Variants in PEG3 observed in about 807,000 individuals in gnomAD.
The protein encoded by PEG3 is paternally expressed 3, also known as paternally-expressed gene 3 protein.
A neutral mutation model predicts 35.5 loss-of-function variants in PEG3; 23 were observed. The observed-to-expected ratio is 0.65, with a 90% confidence interval of 0.47 to 0.92. PEG3 has a LOEUF of 0.92. PEG3 is among the 40% of genes least tolerant of loss of function. The probability of loss-of-function intolerance (pLI) is 0.00; values close to 1 mark genes in which losing one functional copy is unlikely to be tolerated. For missense variants in PEG3, 1,960 were observed against 1,985.3 expected (o/e 0.99, Z 0.24); for synonymous variants, 707 against 697.0 (o/e 1.01, Z -0.23).
At chr19:56,832,844 C>T (rs1251755631) in intron 2 of PEG3, among the ~76,000 whole-genome samples, 2 of 152,252 alleles carry the variant, frequency 1.3e-5, no homozygotes, top group South Asian at 2.1e-4. Context: ...GCGCTGCCTG[C>T]TGCATGACAG....
At chr19:56,829,653 T>C (rs2146492961) in intron 2 of PEG3, among the ~76,000 whole-genome samples, 1 of 152,350 alleles carries the variant, frequency 6.6e-6, no homozygotes, top group South Asian at 2.1e-4. Context: ...GCAATGAGGT[T>C]AGCTGCCTTC....
In PEG3 at chr19:56,810,554, T is replaced by G; in HGVS notation, c.*3121A>C. On this transcript the variant is annotated 3_prime_UTR_variant, in exon 10 of 10. Coordinates refer to ENST00000326441, the MANE Select transcript of PEG3 (RefSeq NM_006210.3). Reference sequence around the variant, plus strand: ...AATTTTCTTTACTGAATTTCCAAAGTTTTGTATGAGTATGTATTATATTTG... The same window carrying G: ...AATTTTCTTTACTGAATTTCCAAAGGTTTGTATGAGTATGTATTATATTTG... The G allele has an allele frequency of 2.1e-6, 2 of 959,286 alleles. No homozygotes were observed. Among genetic ancestry groups the G allele is most frequent in the Non-Finnish European group, 2.5e-6 (2 of 806,128 alleles). The allele number at this position is 959,286 out of a possible 1,614,324, so 59.4% of individuals were successfully genotyped here. A position where few individuals can be genotyped will look rare whatever the true frequency, so the allele number is the denominator to read the frequency against.
Position 56,824,123 on chromosome 19 carries a change from C to T in PEG3, c.394+139G>A, listed in dbSNP as rs541290049. 1.9e-4 allele frequency: 269 copies of T among 1,387,518 alleles called. No individual in the cohort carries two copies. The South Asian group carries it at 3.7e-3, about 19-fold the overall frequency. 86.0% of individuals were successfully genotyped at this position (1,387,518 alleles called of 1,614,324 possible). On this transcript the variant is annotated intron_variant, in intron 4 of 9. Coordinates refer to ENST00000326441, the MANE Select transcript of PEG3 (RefSeq NM_006210.3). The stretch of plus-strand genomic sequence containing the variant: ...AAAATCATGATGCAGCTCAATATCC[C>T]ACAGTACACAGGACATCCCCACCGC...
At position 56,815,657 on chromosome 19, in the gene PEG3, C is replaced by T. The variant is rs753808923; in HGVS notation, c.2785G>A (p.Val929Ile). 1 of 1,614,156 alleles carries T rather than the reference C, an allele frequency of 6.2e-7. No homozygotes were observed. Among genetic ancestry groups the T allele is most frequent in the East Asian group, 2.2e-5 (1 of 44,882 alleles). The change falls in exon 10 of 10, where the codon GTC becomes ATC. Residue 929 changes from valine (V) to isoleucine (I), a missense_variant. Transcript: ENST00000326441. Reference protein sequence around the residue: ...DGEFSVPSSNVREYQKARAKK... With the variant: ...DGEFSVPSSNIREYQKARAKK... ...GCACGAGCCTTCTGGTATTCACGGA[C>T]ATTTGAGCTGGGAACAGAGAATTCG... is the stretch of plus-strand genomic sequence containing the variant.
At chr19:56,836,897 G>A (rs2062175728) in intron 1 of PEG3, among the ~76,000 whole-genome samples, 1 of 150,236 alleles carries the variant, frequency 6.7e-6, no homozygotes. Context: ...TTGAACCCGG[G>A]AGGCAGAGGC....
intron 2 of PEG3, 90 bp downstream of exon 2, chr19:56,835,928 C>T (rs775233993): frequency 2.2e-6 from 1 of 449,890 alleles, no homozygotes; most frequent in Non-Finnish European, 4.5e-6. Flanking sequence ...CTATGTGGAA[C>T]ACATATGCAG....
At chr19:56,830,517 T>C (rs2061475477) in intron 2 of PEG3, among the ~76,000 whole-genome samples, 1 of 152,232 alleles carries the variant, frequency 6.6e-6, no homozygotes, top group African/African-American at 2.4e-5. Context: ...AAGATGTTCC[T>C]CTGGAAGTGG....
rs117804614 is a variant in PEG3 at position 56,824,431 on chromosome 19, C to T, written c.225G>A (p.Leu75=). The T allele has an allele frequency of 1.3e-3, 2,059 of 1,614,160 alleles. 41 individuals are homozygous for T. In the East Asian group the frequency reaches 0.037, roughly 29 times the overall value. ...IKLRNLCLDW[L]QPETRTKEEI... ...CCTCCTTGGTGCGGGTCTCCGGCTG[C>T]AACCAATCGAGGCAGAGGTTTCGGA... Residue 75 remains leucine (L), a synonymous_variant, in exon 4 of 10, where the codon TTG becomes TTA. Transcript: ENST00000326441.
chr19:56,821,509 G>A (rs2060483621), intron 7 of PEG3, 142 bp downstream of exon 7: 1 of 979,420 alleles, frequency 1.0e-6, no homozygotes, highest in African/African-American at 1.6e-5. Context: ...TAAGGGATGG[G>A]CCCGGGCTCC....
In PEG3 at chr19:56,815,554, C is replaced by T. The variant is rs369854592; in HGVS notation, c.2888G>A (p.Arg963His). The change falls in exon 10 of 10, where the codon CGC becomes CAC. Residue 963 changes from arginine to histidine, a missense_variant. Physicochemically the swap from Arg to His is conservative, Grantham distance 29. This residue lies in a region of PEG3 where 798 missense variants were observed against 782.4 expected (regional missense o/e 1.02). Coordinates refer to ENST00000326441, the MANE Select transcript of PEG3 (RefSeq NM_006210.3). ...HSLPFGEQTF[R>H]PRGMLYECQE... ...ACATTCATAGAGCATCCCTCGAGGG[C>T]GAAATGTTTGTTCACCAAAAGGCAG... 76 of 1,613,702 alleles carry T rather than the reference C, an allele frequency of 4.7e-5. No individual in the cohort carries two copies. The highest frequency in any genetic ancestry group is 1.6e-4 in the Middle Eastern group (1 of 6,084).
At chr19:56,837,478 G>A (rs2062285661) in intron 1 of PEG3, among the ~76,000 whole-genome samples, 2 of 152,180 alleles carry the variant, frequency 1.3e-5, no homozygotes, top group South Asian at 4.1e-4. Context: ...CTCTTAAAAC[G>A]TCTGAGTTTG....
rs775898856 is a variant in PEG3, at chr19:56,816,323, G to A, written c.2119C>T (p.His707Tyr). 1 of 1,614,132 alleles carries A rather than the reference G, an allele frequency of 6.2e-7. No individual in the cohort carries two copies. Among genetic ancestry groups the A allele is most frequent in the South Asian group, 1.1e-5 (1 of 91,080 alleles). Reference protein sequence around the residue: ...SSELSEHQKIHSRKNLFEGRG... With the variant: ...SSELSEHQKIYSRKNLFEGRG... Reference sequence around the variant, plus strand: ...CCTTCAAAGAGGTTCTTTCGAGAATGAATTTTCTGATGCTCACTGAGCTCT... The same window carrying A: ...CCTTCAAAGAGGTTCTTTCGAGAATAAATTTTCTGATGCTCACTGAGCTCT... Residue 707 changes from histidine to tyrosine, a missense_variant, in exon 10 of 10, where the codon CAT becomes TAT. Physicochemically the swap from His to Tyr is moderately conservative, Grantham distance 83. Coordinates refer to ENST00000326441, the MANE Select transcript of PEG3 (RefSeq NM_006210.3).
intron 2 of PEG3, 149 bp from the exon 3 acceptor site, chr19:56,826,612 T>A (rs2061060366): frequency 6.6e-6 from 1 of 152,184 alleles, no homozygotes; most frequent in Non-Finnish European, 1.5e-5. Context: ...GCCATTCCCA[T>A]GCTATATAAA....
Position 56,810,700 on chromosome 19 carries a change from C to A in PEG3, c.*2975G>T. On this transcript the variant is annotated 3_prime_UTR_variant, in exon 10 of 10. Transcript: ENST00000326441. ...ACACTATTTTAGTTATTTTCCACATCTTTTCATTTAAGACTTTATGCACAC... is the reference window on the plus strand; with the variant it reads ...ACACTATTTTAGTTATTTTCCACATATTTTCATTTAAGACTTTATGCACAC... 1.0e-6 allele frequency: 1 copy of A among 982,860 alleles called. No homozygotes were observed. The allele number at this position is 982,860 out of a possible 1,614,324, so 60.9% of individuals were successfully genotyped here.
Position 56,812,376 on chromosome 19 carries a change from G to T in PEG3, c.*1299C>A, listed in dbSNP as rs1034739565. 1.6e-5 allele frequency: 16 copies of T among 984,504 alleles called. No homozygotes were observed. The highest frequency in any genetic ancestry group is 1.8e-5 in the Non-Finnish European group (15 of 829,408). 61.0% of individuals were successfully genotyped at this position (984,504 alleles called of 1,614,324 possible). On this transcript the variant is annotated 3_prime_UTR_variant, in exon 10 of 10. Transcript: ENST00000326441. ...GTTAACAAAACAAATTAAGGCTGCT[G>T]GGGAACCTGAGTCCATGTTAAGCTT...
intron 1 of PEG3, among the ~76,000 whole-genome samples, chr19:56,839,644 G>A (rs1270793006): frequency 2.0e-5 from 3 of 151,280 alleles, no homozygotes; most frequent in Non-Finnish European, 3.0e-5. Context: ...GCGCCTACTC[G>A]GCAAACCTCA....
In PEG3 at chr19:56,812,990, A is replaced by G; in HGVS notation, c.*685T>C. 1.0e-6 allele frequency: 1 copy of G among 985,858 alleles called. No individual in the cohort carries two copies. The highest frequency in any genetic ancestry group is 4.7e-5 in the South Asian group (1 of 21,282). 61.1% of individuals were successfully genotyped at this position (985,858 alleles called of 1,614,324 possible). ...GTGTTGGCGCAGATGAAATGGCTGC[A>G]GAAAGAAGCTAAAGTACTTATCTTT... On this transcript the variant is annotated 3_prime_UTR_variant, in exon 10 of 10. Transcript: ENST00000326441.
intron 1 of PEG3, among the ~76,000 whole-genome samples, chr19:56,839,329 C>CT (rs1478273874): frequency 6.6e-6 from 1 of 151,756 alleles, no homozygotes; most frequent in Non-Finnish European, 1.5e-5. Context: ...ACAGTCACTT[C>CT]AGCCTTGCCC....
chr19:56,813,942 T>C lies in PEG3; in HGVS notation c.4500A>G (p.Val1500=). The change falls in exon 10 of 10, where the codon GTA becomes GTG. Residue 1500 remains valine, a synonymous_variant. Coordinates refer to ENST00000326441, the MANE Select transcript of PEG3 (RefSeq NM_006210.3). ...PEEGEDQEIQ[V]EEPYYDCHEC... ...CATGGCAGTCATAGTATGGTTCTTC[T>C]ACCTGAATCTCTTGATCTTCACCTT... 1 of 1,614,180 alleles carries C rather than the reference T, an allele frequency of 6.2e-7. No individual in the cohort carries two copies. Among genetic ancestry groups the C allele is most frequent in the Non-Finnish European group, 8.5e-7 (1 of 1,180,012 alleles).
Sources: gnomAD v4.1 joint callset for allele counts (sites outside exome capture counted in the v4.1 genomes callset) on GRCh38, gnomAD v4.1.1 for gene constraint, gnomAD v4.1.1 regional missense constraint, MANE v1.5 for transcripts, NCBI Gene and HGNC (gene_info 2026-07-23, HGNC 2026-07-21) for gene names.